The following SUCLG2 variants were observed in gnomAD, a reference collection of about 807,000 sequenced individuals.
SUCLG2 encodes succinate--CoA ligase [GDP-forming] subunit beta, mitochondrial.
Under a neutral mutation model 47.9 loss-of-function variants are expected in SUCLG2, and 42 were observed. The observed-to-expected ratio is 0.88, with a 90% confidence interval of 0.69 to 1.14. The LOEUF is 1.14. SUCLG2 is among the 50% of genes most tolerant of loss of function. The pLI is 0.00. For missense variants in SUCLG2, 571 were observed against 525.9 expected, an observed-to-expected ratio of 1.09 and a Z score of -0.84; for synonymous variants, 195 against 197.3, an observed-to-expected ratio of 0.99 and a Z score of 0.10.
chr3:67,502,326 T>A (rs1023468663), intron 7 of SUCLG2, among the ~76,000 whole-genome samples: 1 of 152,226 alleles, frequency 6.6e-6, no homozygotes, highest in Non-Finnish European at 1.5e-5. Flanking sequence ...TGCTTTCCTA[T>A]CTTACTATCT....
At position 67,398,259 on chromosome 3, in the gene SUCLG2, G is replaced by A. The variant is rs957635258; in HGVS notation, c.1183+2472C>T. On this transcript the variant is annotated intron_variant, in intron 10 of 10. Coordinates refer to ENST00000307227, the MANE Select transcript of SUCLG2 (RefSeq NM_003848.4). ...ATCTACAAAATGGGAGAAAATTTTC[G>A]CAACCTACTCATCTGACAAAGGGCT... is the stretch of plus-strand genomic sequence containing the variant. 8.5e-4 allele frequency among the ~76,000 whole-genome samples: 128 copies of A among 150,506 alleles called. 4 individuals are homozygous for A. The highest frequency in any genetic ancestry group is 2.7e-3 in the African/African-American group (111 of 40,992).
Position 67,498,002 on chromosome 3 carries a change from T to C in SUCLG2, c.919+132A>G, listed in dbSNP as rs190526120. 753 of 942,430 alleles carry C rather than the reference T, an allele frequency of 8.0e-4. 1 individual carries two copies. The highest frequency in any genetic ancestry group is 1.4e-3 in the Admixed American group (49 of 36,220). 58.4% of individuals were successfully genotyped at this position (942,430 alleles called of 1,614,324 possible). On this transcript the variant is annotated intron_variant, in intron 8 of 10. Coordinates refer to ENST00000307227, the MANE Select transcript of SUCLG2 (RefSeq NM_003848.4). Reference sequence around the variant, plus strand: ...CAACTTTGAGAAGAAACTTGGATACTTTCCTAAGACTTTTCAGCTACAAAA... The same window carrying C: ...CAACTTTGAGAAGAAACTTGGATACCTTCCTAAGACTTTTCAGCTACAAAA...
At chr3:67,374,491 C>G (rs1260933105), downstream of SUCLG2, among the ~76,000 whole-genome samples, 1 of 152,132 alleles carries the variant, frequency 6.6e-6, no homozygotes, top group Non-Finnish European at 1.5e-5. Context: ...TGTCAGACAT[C>G]TGAGATACAT....
chr3:67,563,857 AG>A (rs368391184), intron 2 of SUCLG2, among the ~76,000 whole-genome samples: 6 of 150,264 alleles, frequency 4.0e-5, no homozygotes, highest in African/African-American at 1.5e-4. Context: ...GCTACTCAGG[AG>A]GCTGAGGCAG....
rs776727290 is a variant in SUCLG2, at chr3:67,375,783, A to G, written c.1260T>C (p.Asp420=). 1.9e-6 allele frequency: 3 copies of G among 1,613,904 alleles called. No individual in the cohort carries two copies. The highest frequency in any genetic ancestry group is 2.2e-5 in the East Asian group (1 of 44,880). Residue 420 remains aspartate (D), a synonymous_variant, in exon 11 of 11, where the codon GAT becomes GAC. Coordinates refer to ENST00000307227, the MANE Select transcript of SUCLG2 (RefSeq NM_003848.4). The part of the protein sequence containing the change: ...LPITSAIDLE[D]AAKKAVASVA... ...CACTGGCCACAGCCTTCTTGGCTGC[A>G]TCCTCCAGGTCAATGGCTGAAGTAA...
rs372073826 is a variant in SUCLG2 at position 67,439,301 on chromosome 3, G to T, written c.1063-38450C>A. On this transcript the variant is annotated intron_variant, in intron 9 of 10. Transcript: ENST00000307227. The stretch of plus-strand genomic sequence containing the variant: ...ATATCACACTGAATGGGCAAAAGCT[G>T]GAAGTATTTCCTTTGAAAATTGGCA... 1.4e-4 allele frequency among the ~76,000 whole-genome samples: 21 copies of T among 152,298 alleles called. No homozygotes were observed. The South Asian group carries it at 4.1e-3, about 30-fold the overall frequency.
chr3:67,392,482 A>G (rs757546074), intron 10 of SUCLG2, among the ~76,000 whole-genome samples: 1 of 152,224 alleles, frequency 6.6e-6, no homozygotes, highest in Non-Finnish European at 1.5e-5. Flanking sequence ...TAGCTTTCTT[A>G]GATCGAATAT....
intron 9 of SUCLG2, among the ~76,000 whole-genome samples, chr3:67,421,285 G>A (rs1017229395): frequency 2.0e-5 from 3 of 152,118 alleles, no homozygotes; most frequent in Non-Finnish European, 2.9e-5. Flanking sequence ...CACTGCCAGA[G>A]TACCCCACAT....
chr3:67,440,058 G>C (rs536917340), intron 9 of SUCLG2, among the ~76,000 whole-genome samples: 55 of 152,158 alleles, frequency 3.6e-4, no homozygotes, highest in African/African-American at 1.2e-3. Flanking sequence ...ATAGAACAAA[G>C]CCCTCAGAAA....
chr3:67,387,226 G>A (rs1241938043), intron 10 of SUCLG2, among the ~76,000 whole-genome samples: 1 of 152,054 alleles, frequency 6.6e-6, no homozygotes, highest in Non-Finnish European at 1.5e-5. Flanking sequence ...GTAATAAAAG[G>A]AAAATAAGTG....
chr3:67,458,893 T>C (rs1704257410), intron 9 of SUCLG2, among the ~76,000 whole-genome samples: 1 of 152,240 alleles, frequency 6.6e-6, no homozygotes, highest in Non-Finnish European at 1.5e-5. Flanking sequence ...TTTTTCAGTC[T>C]GCTAATTTGT....
chr3:67,394,972 T>C (rs558388417), intron 10 of SUCLG2, among the ~76,000 whole-genome samples: 3 of 152,102 alleles, frequency 2.0e-5, no homozygotes, highest in Admixed American at 2.0e-4. Flanking sequence ...AAGCAAATGC[T>C]GAGAGATTTT....
rs190288793 is a variant in SUCLG2, at chr3:67,561,106, C to T, written c.227-31920G>A. Reference sequence around the variant, plus strand: ...CTCTTTGATGGCTAACATTTTCTTCCTTAAGGTAAGAACAACACAATCCTC... The same window carrying T: ...CTCTTTGATGGCTAACATTTTCTTCTTTAAGGTAAGAACAACACAATCCTC... On this transcript the variant is annotated intron_variant, in intron 2 of 10. Coordinates refer to ENST00000307227, the MANE Select transcript of SUCLG2 (RefSeq NM_003848.4). Among the ~76,000 whole-genome samples the T allele has an allele frequency of 4.7e-5, 7 of 150,298 alleles. No homozygotes were observed. In the East Asian group the frequency reaches 1.4e-3, roughly 29 times the overall value.
chr3:67,506,505 T>G (rs538148625), intron 7 of SUCLG2, among the ~76,000 whole-genome samples: 1 of 152,182 alleles, frequency 6.6e-6, no homozygotes, highest in South Asian at 2.1e-4. Flanking sequence ...GACTCTTCCA[T>G]TCTCTTAATA....
intron 2 of SUCLG2, among the ~76,000 whole-genome samples, chr3:67,578,573 G>A (rs995174283): frequency 4.6e-5 from 7 of 152,178 alleles, no homozygotes; most frequent in Admixed American, 3.3e-4. Context: ...CAGGGAGGAA[G>A]GAAAGGAATG....
chr3:67,596,171 T>C (rs907325940), intron 2 of SUCLG2, among the ~76,000 whole-genome samples: 5 of 152,218 alleles, frequency 3.3e-5, no homozygotes, highest in African/African-American at 1.2e-4. Flanking sequence ...TAGTATCCCT[T>C]GACGGGTTGT....
chr3:67,514,085 T>A, intron 6 of SUCLG2: 1 of 341,654 alleles, frequency 2.9e-6, no homozygotes. Context: ...CAGTACTTGC[T>A]TCAGTACAAC....
downstream of SUCLG2, among the ~76,000 whole-genome samples, chr3:67,371,173 G>T (rs1030052251): frequency 2.6e-5 from 4 of 152,068 alleles, no homozygotes; most frequent in Non-Finnish European, 5.9e-5. Context: ...CAATAAACAT[G>T]CCTGTATGTT....
intron 9 of SUCLG2, among the ~76,000 whole-genome samples, chr3:67,412,600 G>C (rs938497857): frequency 1.3e-5 from 2 of 151,998 alleles, no homozygotes; most frequent in Non-Finnish European, 2.9e-5. Flanking sequence ...TTATTCCCCC[G>C]TCCCTCCCAG....
Sources: allele counts gnomAD v4.1 joint callset (sites outside exome capture counted in the v4.1 genomes callset), GRCh38; gene constraint gnomAD v4.1.1; transcripts MANE v1.5; gene names NCBI Gene and HGNC (gene_info 2026-07-23, HGNC 2026-07-21).